CCBE1: variants seen among roughly 807,000 people sequenced by gnomAD.
CCBE1 encodes collagen and calcium-binding EGF domain-containing protein 1.
Under a neutral mutation model 50.0 loss-of-function variants are expected in CCBE1, and 37 were observed. That is an observed-to-expected ratio of 0.74 (90% confidence interval 0.57 to 0.97). The LOEUF is 0.97. Among genes scored for constraint, CCBE1 ranks in the 50% least tolerant of loss-of-function variants. The pLI is 0.00. For missense variants in CCBE1, 538 were observed against 523.8 expected (o/e 1.03, Z -0.26); for synonymous variants, 234 against 203.7 (o/e 1.15, Z -1.27).
At chr18:59,509,871 C>T (rs1374826160) in intron 2 of CCBE1, among the ~76,000 whole-genome samples, 9 of 152,112 alleles carry the variant, frequency 5.9e-5, no homozygotes, top group South Asian at 4.1e-4. Context: ...ACTATTTAAG[C>T]GACCCAACAT....
At chr18:59,492,162 A>G (rs1036921234) in intron 2 of CCBE1, among the ~76,000 whole-genome samples, 4 of 151,760 alleles carry the variant, frequency 2.6e-5, no homozygotes, top group African/African-American at 4.8e-5. Context: ...AAAAAAAAAA[A>G]AAAAAAGAAA....
At chr18:59,664,134 G>A (rs541437608) in intron 2 of CCBE1, among the ~76,000 whole-genome samples, 8 of 152,218 alleles carry the variant, frequency 5.3e-5, no homozygotes, top group East Asian at 3.9e-4. Flanking sequence ...GGGCTGCTGA[G>A]TTCTCGTTAT....
intron 2 of CCBE1, among the ~76,000 whole-genome samples, chr18:59,530,929 GT>G (rs1244094183): frequency 6.6e-6 from 1 of 151,076 alleles, no homozygotes; most frequent in Non-Finnish European, 1.5e-5. Flanking sequence ...TATTTATGAT[GT>G]TTTTTCAAAT....
chr18:59,447,041 C>A (rs963150688), intron 7 of CCBE1, among the ~76,000 whole-genome samples: 15 of 152,060 alleles, frequency 9.9e-5, no homozygotes, highest in Non-Finnish European at 1.9e-4. Flanking sequence ...TAACTTGGAA[C>A]TATTTTTTTT....
At chr18:59,630,535 T>A (rs902329638) in intron 2 of CCBE1, among the ~76,000 whole-genome samples, 1 of 152,158 alleles carries the variant, frequency 6.6e-6, no homozygotes, top group African/African-American at 2.4e-5. Context: ...AAAGGTCCCA[T>A]TGTGTCACTT....
At position 59,696,646 on chromosome 18, in the gene CCBE1, C is replaced by T. The variant is rs116673304; in HGVS notation, c.195G>A (p.Glu65=). ...TKYPCLKSSG[E]LTTCYRKKCC... ...AGGCTTACCTGTAGCATGTGGTGAG[C>T]TCGCCTGAAGACTTCAGACACGGGT... The change falls in exon 2 of 11, where the codon GAG becomes GAA. Residue 65 remains glutamate (E), a synonymous_variant. Coordinates refer to ENST00000439986, the MANE Select transcript of CCBE1 (RefSeq NM_133459.4). 9,783 of 1,614,044 alleles carry T rather than the reference C, an allele frequency of 6.1e-3. 38 individuals are homozygous for T. Among genetic ancestry groups the T allele is most frequent in the Non-Finnish European group, 7.4e-3 (8,775 of 1,179,958 alleles).
At chr18:59,644,083 C>G (rs1599094813) in intron 2 of CCBE1, among the ~76,000 whole-genome samples, 1 of 152,262 alleles carries the variant, frequency 6.6e-6, no homozygotes, top group East Asian at 1.9e-4. Flanking sequence ...TTAAGGGAGG[C>G]CCAGGGGGAC....
At chr18:59,478,751 G>C (rs781284745) in intron 3 of CCBE1, among the ~76,000 whole-genome samples, 2 of 152,246 alleles carry the variant, frequency 1.3e-5, no homozygotes, top group South Asian at 2.1e-4. Context: ...ATTTTCTTTC[G>C]AGTCTGCCAA....
chr18:59,468,951 G>T (rs1196447891), intron 4 of CCBE1, among the ~76,000 whole-genome samples: 1 of 151,790 alleles, frequency 6.6e-6, no homozygotes. Context: ...AGCTGCCTTA[G>T]AACCTCAAGG....
chr18:59,611,801 G>A (rs2053572780), intron 2 of CCBE1, among the ~76,000 whole-genome samples: 1 of 152,140 alleles, frequency 6.6e-6, no homozygotes, highest in African/African-American at 2.4e-5. Flanking sequence ...CAGGAAAAGA[G>A]CATTCATGAC....
At chr18:59,655,263 T>C (rs2054174187) in intron 2 of CCBE1, among the ~76,000 whole-genome samples, 1 of 152,144 alleles carries the variant, frequency 6.6e-6, no homozygotes, top group Admixed American at 6.5e-5. Context: ...TTTGTGACTG[T>C]AACATTAACA....
intron 2 of CCBE1, among the ~76,000 whole-genome samples, chr18:59,624,502 A>G (rs2144613062): frequency 6.6e-6 from 1 of 152,344 alleles, no homozygotes; most frequent in Non-Finnish European, 1.5e-5. Context: ...TGCAGCCTCA[A>G]TATACTCCAG....
chr18:59,521,381 G>A (rs751765239), intron 2 of CCBE1, among the ~76,000 whole-genome samples: 2 of 152,156 alleles, frequency 1.3e-5, no homozygotes, highest in African/African-American at 2.4e-5. Context: ...CATGAGTTAC[G>A]TGGATTGCAG....
intron 2 of CCBE1, among the ~76,000 whole-genome samples, chr18:59,669,770 A>T (rs61540229): frequency 0.01 from 1,569 of 152,310 alleles, 36 homozygotes; most frequent in African/African-American, 0.036. Flanking sequence ...AATGAGAAGT[A>T]CCTGAACATG....
In CCBE1 at chr18:59,488,121, G is replaced by A. The variant is rs536373189; in HGVS notation, c.213-7883C>T. 3.9e-5 allele frequency among the ~76,000 whole-genome samples: 6 copies of A among 152,256 alleles called. No homozygotes were observed. The South Asian group carries it at 6.2e-4, about 16-fold the overall frequency. ...AAATACGGCATGATTCCACTTATAC[G>A]AGGTACCTAGAGTATCCAAATTCAA... On this transcript the variant is annotated intron_variant, in intron 2 of 10. Transcript: ENST00000439986.
rs532736075 is a variant in CCBE1 at position 59,588,658 on chromosome 18, C to T, written c.212+107971G>A. Among the ~76,000 whole-genome samples the T allele has an allele frequency of 5.9e-5, 9 of 152,328 alleles. 1 individual carries two copies. Among genetic ancestry groups the T allele is most frequent in the African/African-American group, 2.2e-4 (9 of 41,574 alleles). ...GGCCCCTCTTGCTGGGCTAATGCAG[C>T]CCCTGGTAGCTCTAGCAATGAGAGC... is the stretch of plus-strand genomic sequence containing the variant. On this transcript the variant is annotated intron_variant, in intron 2 of 10. Transcript: ENST00000439986.
intron 9 of CCBE1, among the ~76,000 whole-genome samples, chr18:59,439,119 T>C (rs1910294464): frequency 1.3e-5 from 2 of 152,024 alleles, no homozygotes; most frequent in Admixed American, 1.3e-4. Context: ...ACCCTGTCTC[T>C]ACTGAAAATA....
rs74469862 is a variant in CCBE1 at position 59,633,376 on chromosome 18, C to G, written c.212+63253G>C. Among the ~76,000 whole-genome samples the G allele has an allele frequency of 8.6e-3, 1,308 of 152,344 alleles. 17 individuals carry two copies. The highest frequency in any genetic ancestry group is 0.03 in the African/African-American group (1,235 of 41,562). On this transcript the variant is annotated intron_variant, in intron 2 of 10. Coordinates refer to ENST00000439986, the MANE Select transcript of CCBE1 (RefSeq NM_133459.4). ...TAGTTCTCCCTCCAAGATCACTGCTCTGAGAATCACTGCAGATCATTTTTC... is the reference window on the plus strand; with the variant it reads ...TAGTTCTCCCTCCAAGATCACTGCTGTGAGAATCACTGCAGATCATTTTTC...
intron 2 of CCBE1, among the ~76,000 whole-genome samples, chr18:59,531,907 T>C (rs1168885371): frequency 6.6e-6 from 1 of 152,192 alleles, no homozygotes; most frequent in Non-Finnish European, 1.5e-5. Flanking sequence ...TCAGCCTCAA[T>C]TTAAAGGGAC....
Sources: allele counts gnomAD v4.1 joint callset (sites outside exome capture counted in the v4.1 genomes callset), GRCh38; gene constraint gnomAD v4.1.1; transcripts MANE v1.5; gene names NCBI Gene and HGNC (gene_info 2026-07-23, HGNC 2026-07-21).